CLEC16A: variants seen among roughly 807,000 people sequenced by gnomAD.
The protein encoded by CLEC16A is C-type lectin domain containing 16A.
In CLEC16A, 51 loss-of-function variants were observed where a neutral mutation model predicts 109.5. That is an observed-to-expected ratio of 0.47 (90% CI 0.37 to 0.59). The LOEUF (loss-of-function observed/expected upper bound fraction) is 0.59, where lower values mean the gene tolerates loss of function less well. Among genes scored for constraint, CLEC16A ranks in the 20% least tolerant of loss-of-function variants. The probability of loss-of-function intolerance (pLI) is 0.00; values close to 1 mark genes in which losing one functional copy is unlikely to be tolerated. For synonymous variants in CLEC16A, 673 were observed against 564.2 expected, an observed-to-expected ratio of 1.19 and a Z score of -2.73; for missense variants, 1,339 against 1,394.0, an observed-to-expected ratio of 0.96 and a Z score of 0.63.
chr16:10,963,099 G>A (rs2042333648), intron 3 of CLEC16A, among the ~76,000 whole-genome samples: 1 of 152,110 alleles, frequency 6.6e-6, no homozygotes. Flanking sequence ...GTTGCCAGCA[G>A]GGTTGGTTTC....
chr16:11,004,776 C>G (rs1008454935), intron 11 of CLEC16A, among the ~76,000 whole-genome samples: 1 of 152,230 alleles, frequency 6.6e-6, no homozygotes, highest in East Asian at 1.9e-4. Flanking sequence ...ACCGAGACCT[C>G]TTTTTATGGT....
chr16:11,126,356 G>T, intron 22 of CLEC16A: 2 of 1,456,460 alleles, frequency 1.4e-6, no homozygotes, highest in Non-Finnish European at 1.8e-6. Context: ...TGTTTGGTTT[G>T]GTTTTCCAGA....
chr16:10,987,361 A>G (rs1397458195), intron 10 of CLEC16A, among the ~76,000 whole-genome samples: 1 of 152,166 alleles, frequency 6.6e-6, no homozygotes, highest in Non-Finnish European at 1.5e-5. Context: ...GGTTACTGGC[A>G]ACCTCTCAGT....
intron 3 of CLEC16A, 107 bp from the exon 4 acceptor site, chr16:10,969,054 C>T (rs757585397): frequency 2.2e-6 from 2 of 890,386 alleles, no homozygotes; most frequent in Non-Finnish European, 3.4e-6. Flanking sequence ...ATCCCAGCAA[C>T]CCAGAGGCTT....
At chr16:10,965,294 G>T (rs2042448084) in intron 3 of CLEC16A, among the ~76,000 whole-genome samples, 1 of 152,206 alleles carries the variant, frequency 6.6e-6, no homozygotes, top group Admixed American at 6.5e-5. Context: ...ATTTGTAAGG[G>T]GTGAGGAGGA....
intron 13 of CLEC16A, among the ~76,000 whole-genome samples, chr16:11,032,957 G>A (rs563989232): frequency 1.3e-5 from 2 of 152,276 alleles, no homozygotes; most frequent in African/African-American, 2.4e-5. Context: ...TAAAAGAAAC[G>A]TTGGCTACCA....
At chr16:10,995,940 G>T (rs889180562) in intron 10 of CLEC16A, among the ~76,000 whole-genome samples, 2 of 152,194 alleles carry the variant, frequency 1.3e-5, no homozygotes, top group Admixed American at 6.5e-5. Context: ...TTCTTAGCTT[G>T]ATTATCACAA....
intron 22 of CLEC16A, chr16:11,149,979 A>G (rs2054230924): frequency 6.6e-6 from 1 of 152,212 alleles, no homozygotes. Context: ...AAACCCAAAC[A>G]GCTCTGAAAA....
chr16:11,046,605 GCCT>G (rs1279794654), intron 16 of CLEC16A, among the ~76,000 whole-genome samples: 9 of 152,122 alleles, frequency 5.9e-5, no homozygotes, highest in African/African-American at 2.2e-4. Context: ...CAGGTTCTGT[GCCT>G]CCTCGCATTT....
intron 11 of CLEC16A, among the ~76,000 whole-genome samples, chr16:11,017,153 C>T (rs907508304): frequency 1.3e-5 from 2 of 152,162 alleles, no homozygotes; most frequent in Admixed American, 6.5e-5. Context: ...TGGCCCACCC[C>T]GCCTCAGATC....
intron 11 of CLEC16A, among the ~76,000 whole-genome samples, chr16:11,018,022 G>A (rs1379272935): frequency 6.7e-6 from 1 of 149,436 alleles, no homozygotes; most frequent in Admixed American, 6.7e-5. Context: ...AAAAAGGCAG[G>A]TGAAGGCCGG....
At chr16:11,094,410 G>A (rs1005340585) in intron 19 of CLEC16A, among the ~76,000 whole-genome samples, 4 of 152,232 alleles carry the variant, frequency 2.6e-5, no homozygotes, top group African/African-American at 7.2e-5. Context: ...ATCTACAGAT[G>A]TGAGGTTTGT....
At chr16:11,166,795 A>C (rs1233864165) in intron 23 of CLEC16A, among the ~76,000 whole-genome samples, 1 of 152,190 alleles carries the variant, frequency 6.6e-6, no homozygotes, top group African/African-American at 2.4e-5. Context: ...CGAAGCTGTC[A>C]CTGACTGCAG....
intron 19 of CLEC16A, among the ~76,000 whole-genome samples, chr16:11,109,713 A>T (rs1372168371): frequency 1.3e-5 from 2 of 152,180 alleles, no homozygotes; most frequent in Non-Finnish European, 2.9e-5. Context: ...CAGGTGTCCT[A>T]TCAGCTGTGG....
At chr16:11,039,532 C>T (rs144468166) in intron 13 of CLEC16A, among the ~76,000 whole-genome samples, 42 of 152,170 alleles carry the variant, frequency 2.8e-4, no homozygotes, top group Non-Finnish European at 5.1e-4. Context: ...ATTTGGGAGG[C>T]CCAGCACTTG....
intron 8 of CLEC16A, among the ~76,000 whole-genome samples, chr16:10,979,014 G>A (rs568696508): frequency 3.7e-4 from 56 of 152,054 alleles, no homozygotes; most frequent in South Asian, 1.5e-3. Flanking sequence ...CTGCCGGGGC[G>A]TCCAGTGCCC....
chr16:11,098,724 G>T (rs964556599), intron 19 of CLEC16A, among the ~76,000 whole-genome samples: 10 of 152,242 alleles, frequency 6.6e-5, no homozygotes, highest in African/African-American at 2.2e-4. Flanking sequence ...AAGACGCTGT[G>T]TGTGAGCTTC....
intron 22 of CLEC16A, among the ~76,000 whole-genome samples, chr16:11,138,379 T>C (rs1567378732): frequency 6.6e-6 from 1 of 152,182 alleles, no homozygotes; most frequent in Non-Finnish European, 1.5e-5. Flanking sequence ...CAAAGCGCTT[T>C]GTGAGCTTGC....
intron 7 of CLEC16A, among the ~76,000 whole-genome samples, chr16:10,974,217 A>C (rs2042934089): frequency 6.6e-6 from 1 of 151,768 alleles, no homozygotes; most frequent in East Asian, 1.9e-4. Context: ...TTTTTTTTGC[A>C]GGGGGGATAA....
Sources: allele counts gnomAD v4.1 joint callset (sites outside exome capture counted in the v4.1 genomes callset), GRCh38; gene constraint gnomAD v4.1.1; transcripts MANE v1.5; gene names NCBI Gene and HGNC (gene_info 2026-07-23, HGNC 2026-07-21).